The following LRMDA variants were observed in gnomAD, a reference collection of about 807,000 sequenced individuals.
LRMDA encodes leucine-rich melanocyte differentiation-associated protein.
In LRMDA, 18 loss-of-function variants were observed where a neutral mutation model predicts 29.8. The observed-to-expected ratio is 0.60, with a 90% CI of 0.42 to 0.90. The LOEUF (loss-of-function observed/expected upper bound fraction) is 0.90. Among genes scored for constraint, LRMDA ranks in the 40% least tolerant of loss-of-function variants. The pLI is 0.00. For missense variants in LRMDA, 273 were observed against 273.9 expected, an observed-to-expected ratio of 1.00 and a Z score of 0.02; for synonymous variants, 125 against 109.4, an observed-to-expected ratio of 1.14 and a Z score of -0.89.
intron 2 of LRMDA, among the ~76,000 whole-genome samples, chr10:75,909,303 A>G (rs1261925162): frequency 6.6e-6 from 1 of 152,158 alleles, no homozygotes; most frequent in African/African-American, 2.4e-5. Context: ...TTTATTTGGA[A>G]TGAAATCATA....
intron 2 of LRMDA, among the ~76,000 whole-genome samples, chr10:75,665,728 G>A (rs1056982376): frequency 3.9e-5 from 6 of 152,170 alleles, no homozygotes; most frequent in African/African-American, 1.4e-4. Flanking sequence ...AAAGATTCCT[G>A]GATGTCTTGT....
chr10:75,619,828 G>A (rs1841158150), intron 2 of LRMDA, among the ~76,000 whole-genome samples: 1 of 152,198 alleles, frequency 6.6e-6, no homozygotes, highest in South Asian at 2.1e-4. Flanking sequence ...GGTCATAGCC[G>A]TGTGACCCTT....
At chr10:75,661,271 C>G (rs866570248) in intron 2 of LRMDA, among the ~76,000 whole-genome samples, 1 of 152,130 alleles carries the variant, frequency 6.6e-6, no homozygotes, top group Non-Finnish European at 1.5e-5. Context: ...CTGCACGCCT[C>G]GACTCTCGAA....
At chr10:75,826,964 G>A (rs922333830) in intron 2 of LRMDA, among the ~76,000 whole-genome samples, 3 of 151,988 alleles carry the variant, frequency 2.0e-5, no homozygotes, top group Non-Finnish European at 4.4e-5. Context: ...TACTTTTTTT[G>A]TGTTTCTGTG....
chr10:76,186,695 T>C (rs1169462451), intron 5 of LRMDA, among the ~76,000 whole-genome samples: 1 of 152,190 alleles, frequency 6.6e-6, no homozygotes, highest in Non-Finnish European at 1.5e-5. Context: ...ATTGGGTAGT[T>C]ACTGTGTGCT....
At chr10:76,244,032 T>G (rs1301848409) in intron 5 of LRMDA, among the ~76,000 whole-genome samples, 1 of 152,192 alleles carries the variant, frequency 6.6e-6, no homozygotes, top group Non-Finnish European at 1.5e-5. Context: ...TGGACTTATG[T>G]AGAGCTATTA....
intron 5 of LRMDA, among the ~76,000 whole-genome samples, chr10:76,131,135 T>C (rs115548506): frequency 2.3e-3 from 353 of 152,300 alleles, no homozygotes; most frequent in African/African-American, 8.2e-3. Context: ...AGCTGCTCTT[T>C]CCACTGCCCC....
intron 2 of LRMDA, among the ~76,000 whole-genome samples, chr10:75,727,872 G>A (rs1842648408): frequency 6.6e-6 from 1 of 152,148 alleles, no homozygotes; most frequent in Non-Finnish European, 1.5e-5. Context: ...TGCTTCATTA[G>A]ATGGCTTTGT....
chr10:75,579,237 GAT>G (rs553546126), intron 2 of LRMDA, among the ~76,000 whole-genome samples: 1 of 152,078 alleles, frequency 6.6e-6, no homozygotes, highest in East Asian at 1.9e-4. Flanking sequence ...TGATAAAGGG[GAT>G]ATCACCACTG....
At chr10:75,791,706 G>A (rs1003262720) in intron 2 of LRMDA, among the ~76,000 whole-genome samples, 6 of 152,064 alleles carry the variant, frequency 3.9e-5, no homozygotes, top group Admixed American at 1.3e-4. Context: ...AGGCCCTTCC[G>A]GCCTCTCCAT....
chr10:75,771,191 C>T (rs777209837), intron 2 of LRMDA, among the ~76,000 whole-genome samples: 3 of 151,968 alleles, frequency 2.0e-5, no homozygotes, highest in South Asian at 2.1e-4. Flanking sequence ...GGAAAATGGC[C>T]GTAGGGGATA....
chr10:76,477,149 A>T (rs1842682693), intron 6 of LRMDA, among the ~76,000 whole-genome samples: 1 of 151,978 alleles, frequency 6.6e-6, no homozygotes, highest in South Asian at 2.1e-4. Flanking sequence ...TATCTAGAAA[A>T]CCCCATCGTC....
chr10:76,057,119 G>A (rs998212145), intron 4 of LRMDA, among the ~76,000 whole-genome samples: 1 of 152,202 alleles, frequency 6.6e-6, no homozygotes, highest in Admixed American at 6.5e-5. Flanking sequence ...GCCTTAAGGT[G>A]TGGTTCCTTG....
intron 2 of LRMDA, among the ~76,000 whole-genome samples, chr10:76,012,752 G>A (rs557978596): frequency 9.2e-5 from 14 of 152,158 alleles, no homozygotes; most frequent in Non-Finnish European, 1.8e-4. Context: ...TTGGGCACCA[G>A]AAGACACTAC....
chr10:75,991,647 G>A (rs777733434), intron 2 of LRMDA, among the ~76,000 whole-genome samples: 1 of 152,228 alleles, frequency 6.6e-6, no homozygotes, highest in Non-Finnish European at 1.5e-5. Context: ...CAGGAAAGAT[G>A]CGTGACTGAT....
chr10:76,176,133 A>G (rs1417091679), intron 5 of LRMDA, among the ~76,000 whole-genome samples: 1 of 152,198 alleles, frequency 6.6e-6, no homozygotes, highest in Non-Finnish European at 1.5e-5. Flanking sequence ...TGGACAGATG[A>G]TAGATATGTC....
chr10:76,166,848 A>G (rs1389118475), intron 5 of LRMDA, among the ~76,000 whole-genome samples: 2 of 152,162 alleles, frequency 1.3e-5, no homozygotes, highest in African/African-American at 4.8e-5. Flanking sequence ...CTCTATTTTT[A>G]GCTCTTTGAG....
At chr10:75,692,499 A>G (rs1187786263) in intron 2 of LRMDA, among the ~76,000 whole-genome samples, 1 of 151,270 alleles carries the variant, frequency 6.6e-6, no homozygotes, top group Non-Finnish European at 1.5e-5. Context: ...ATATATGTAT[A>G]TATGTATACA....
At chr10:75,629,649 A>G (rs909446718) in intron 2 of LRMDA, among the ~76,000 whole-genome samples, 2 of 152,118 alleles carry the variant, frequency 1.3e-5, no homozygotes, top group Non-Finnish European at 2.9e-5. Flanking sequence ...GAAAGTTCTG[A>G]TATTACAGTA....
Sources: allele counts gnomAD v4.1 joint callset (sites outside exome capture counted in the v4.1 genomes callset), GRCh38; gene constraint gnomAD v4.1.1; transcripts MANE v1.5; gene names NCBI Gene and HGNC (gene_info 2026-07-23, HGNC 2026-07-21).